Variants in COQ8A observed in about 807,000 individuals in gnomAD.
The protein encoded by COQ8A is atypical kinase COQ8A, mitochondrial.
In COQ8A, 51 loss-of-function variants were observed where a neutral mutation model predicts 65.0. The observed-to-expected ratio is 0.78, with a 90% CI of 0.63 to 0.99. COQ8A has a LOEUF of 0.99. Ranked by LOEUF, COQ8A falls within the 50% of genes least tolerant of loss-of-function variation. COQ8A has a pLI of 0.00. For synonymous variants in COQ8A, 371 were observed against 353.2 expected (o/e 1.05, Z -0.57); for missense variants, 940 against 875.0 (o/e 1.07, Z -0.94).
intron 3 of COQ8A, 94 bp from the exon 4 acceptor site, chr1:226,965,577 G>A: frequency 6.6e-7 from 1 of 1,523,228 alleles, no homozygotes; most frequent in Non-Finnish European, 9.1e-7. Context: ...GCTGACTGTG[G>A]GGTGGAGAGG....
At chr1:226,985,496 C>G (rs931820195) in intron 14 of COQ8A, among the ~76,000 whole-genome samples, 156 bp downstream of exon 14, 6 of 152,212 alleles carry the variant, frequency 3.9e-5, no homozygotes, top group Non-Finnish European at 8.8e-5. Flanking sequence ...CCACCCCGGC[C>G]CATGCTGCCC....
At chr1:226,951,670 G>A (rs1007766595) in intron 1 of COQ8A, among the ~76,000 whole-genome samples, 4 of 151,946 alleles carry the variant, frequency 2.6e-5, no homozygotes, top group Non-Finnish European at 5.9e-5. Context: ...GACAGCTGTG[G>A]TTTTTACTCT....
At chr1:226,957,192 G>A (rs115633278) in intron 1 of COQ8A, among the ~76,000 whole-genome samples, 4,318 of 109,868 alleles carry the variant, frequency 0.039, 234 homozygotes, top group African/African-American at 0.14. Context: ...CCTGACTCCC[G>A]CTCTCCCTGG....
intron 4 of COQ8A, among the ~76,000 whole-genome samples, chr1:226,966,983 T>TATTTGG (rs1658610047): frequency 6.6e-6 from 1 of 152,266 alleles, no homozygotes; most frequent in Non-Finnish European, 1.5e-5. Flanking sequence ...TTTACCTTAA[T>TATTTGG]ATTTGGCATC....
In COQ8A at chr1:226,984,880, C is replaced by T; in HGVS notation, c.1511C>T (p.Ala504Val). The change falls in exon 13 of 15, where the codon GCT (alanine) becomes GTT (valine). Residue 504 changes from alanine (A) to valine (V), a missense_variant. Transcript: ENST00000366777. ...TCCTGGTGTCTCTGTCCCCAGGTGG[C>T]TCTTTTGGATTTTGGGGCAACGCGG... Reference protein sequence around the residue: ...FFYDPQQHKVALLDFGATREY... With the variant: ...FFYDPQQHKVVLLDFGATREY... 1.2e-6 allele frequency: 2 copies of T among 1,614,176 alleles called. No individual in the cohort carries two copies. The highest frequency in any genetic ancestry group is 1.7e-6 in the Non-Finnish European group (2 of 1,180,020).
In COQ8A at chr1:226,984,095, G is replaced by A. The variant is rs147097934; in HGVS notation, c.1258G>A (p.Asp420Asn). The A allele has an allele frequency of 1.6e-4, 259 of 1,613,294 alleles. No individual in the cohort carries two copies. Among genetic ancestry groups the A allele is most frequent in the African/African-American group, 2.7e-5 (2 of 74,920 alleles). ...GCGTGACCTCCCTCCCCTACCCAGG[G>A]ACCTGCTGAAGGGCCACCCCTTCTT... ...REAACARKFRDLLKGHPFFYV... is the reference protein window; with the variant it reads ...REAACARKFRNLLKGHPFFYV... Residue 420 changes from aspartate to asparagine, a missense_variant and splice_region_variant, in exon 11 of 15, where the codon GAC becomes AAC. Coordinates refer to ENST00000366777, the MANE Select transcript of COQ8A (RefSeq NM_020247.5).
At chr1:226,980,939 G>A (rs2148121210) in intron 5 of COQ8A, among the ~76,000 whole-genome samples, 1 of 152,358 alleles carries the variant, frequency 6.6e-6, no homozygotes, top group Admixed American at 6.5e-5. Flanking sequence ...TTCCCCTGCT[G>A]GGGACCTGGC....
chr1:226,974,409 G>T (rs1038148542), intron 4 of COQ8A, among the ~76,000 whole-genome samples: 1 of 152,248 alleles, frequency 6.6e-6, no homozygotes, highest in Non-Finnish European at 1.5e-5. Context: ...TGCTGGCCAC[G>T]TGGGCCAAGC....
rs1660019241 is a variant in COQ8A, at chr1:226,985,253, GATC to G, written c.1577_1579del (p.Ile526del). 3.1e-6 allele frequency: 5 copies of G among 1,613,524 alleles called. No individual in the cohort carries two copies. Among genetic ancestry groups the G allele is most frequent in the African/African-American group, 2.7e-5 (2 of 75,050 alleles). On this transcript the variant is annotated inframe_deletion and splice_region_variant, in exon 14 of 15. Transcript: ENST00000366777. ...CGGTCCCCTCCTGTGCCTCTCCCCAGATCATCAGGGCTGCTGCCGACAGGGACA... is the reference window on the plus strand; with the variant it reads ...CGGTCCCCTCCTGTGCCTCTCCCCAGATCAGGGCTGCTGCCGACAGGGACA...
intron 14 of COQ8A, 121 bp from the exon 15 acceptor site, chr1:226,986,332 T>C (rs565571981): frequency 1.8e-6 from 2 of 1,139,582 alleles, no homozygotes; most frequent in South Asian, 1.4e-5. Flanking sequence ...TACCATGATG[T>C]AATCCAGTTT....
intron 1 of COQ8A, among the ~76,000 whole-genome samples, chr1:226,954,280 CAA>C (rs1279438536): frequency 6.6e-6 from 1 of 152,232 alleles, no homozygotes. Context: ...CGCCTAAGGG[CAA>C]AGCCAGACTC....
intron 1 of COQ8A, among the ~76,000 whole-genome samples, chr1:226,960,332 G>GCTTGGTGGTGGTGA (rs1245044696): frequency 2.7e-5 from 1 of 36,942 alleles, no homozygotes; most frequent in African/African-American, 1.1e-4. Context: ...GGTGGTATCA[G>GCTTGGTGGTGGTGA]TGGTACTTGG....
intron 4 of COQ8A, among the ~76,000 whole-genome samples, chr1:226,968,246 A>T (rs1572051410): frequency 6.6e-6 from 1 of 152,232 alleles, no homozygotes; most frequent in East Asian, 1.9e-4. Context: ...GAGGCACAAG[A>T]ATTGCTTGAG....
At chr1:226,955,571 T>C (rs1443733262) in intron 1 of COQ8A, among the ~76,000 whole-genome samples, 1 of 15,062 alleles carries the variant, frequency 6.6e-5, no homozygotes. Flanking sequence ...TCCCACTCCC[T>C]GGGTTCACAC....
intron 4 of COQ8A, among the ~76,000 whole-genome samples, chr1:226,975,761 A>T (rs1236332055): frequency 2.0e-5 from 3 of 152,196 alleles, no homozygotes; most frequent in African/African-American, 7.2e-5. Context: ...ACAGCCTGTG[A>T]GGCAGGGGCT....
In COQ8A at chr1:226,981,920, C is replaced by T; in HGVS notation, c.731-107C>T. 3.9e-6 allele frequency: 6 copies of T among 1,542,896 alleles called. No homozygotes were observed. In the South Asian group the frequency reaches 6.7e-5, roughly 17 times the overall value. ...GTTATGTTGCTGGTTTTATGGACGC[C>T]TGGGAGGAAGGACATTGTCTGAGCC... On this transcript the variant is annotated intron_variant, in intron 5 of 14. Coordinates refer to ENST00000366777, the MANE Select transcript of COQ8A (RefSeq NM_020247.5).
At position 226,986,446 on chromosome 1, in the gene COQ8A, GC is replaced by G; in HGVS notation, c.1660-3del. On this transcript the variant is annotated splice_region_variant and splice_polypyrimidine_tract_variant and intron_variant, in intron 14 of 14. Transcript: ENST00000366777. ...CGCCGCCATTTATCCTTCCTCTCTT[GC>G]CCCAGGTCATGGAAGACGCCCACTT... 1 of 1,611,322 alleles carries G rather than the reference GC, an allele frequency of 6.2e-7. No homozygotes were observed. The highest frequency in any genetic ancestry group is 8.5e-7 in the Non-Finnish European group (1 of 1,179,854).
intron 1 of COQ8A, among the ~76,000 whole-genome samples, chr1:226,953,183 C>T (rs1001070722): frequency 6.6e-6 from 1 of 152,150 alleles, no homozygotes; most frequent in African/African-American, 2.4e-5. Flanking sequence ...GCGCATGCCA[C>T]CACGCTTGGA....
Position 226,985,343 on chromosome 1 carries a change from G to A in COQ8A, c.1659+3G>A. 6.2e-7 allele frequency: 1 copy of A among 1,613,418 alleles called. No individual in the cohort carries two copies. The highest frequency in any genetic ancestry group is 1.1e-5 in the South Asian group (1 of 91,060). ...TCCTCACCGGCTACGAGGTCAAGGT[G>A]AGCAGGGTTGCGGGGGATCCCCTGG... is the stretch of plus-strand genomic sequence containing the variant. On this transcript the variant is annotated splice_donor_region_variant and intron_variant, in intron 14 of 14. Coordinates refer to ENST00000366777, the MANE Select transcript of COQ8A (RefSeq NM_020247.5).
Sources: gnomAD v4.1 joint callset for allele counts (sites outside exome capture counted in the v4.1 genomes callset) on GRCh38, gnomAD v4.1.1 for gene constraint, MANE v1.5 for transcripts, NCBI Gene and HGNC (gene_info 2026-07-23, HGNC 2026-07-21) for gene names.